Variants in PHACTR2 observed in about 807,000 individuals in gnomAD.
PHACTR2 encodes phosphatase and actin regulator 2.
A neutral mutation model predicts 76.0 loss-of-function variants in PHACTR2; 30 were observed. That is an observed-to-expected ratio of 0.39 (90% CI 0.30 to 0.54). PHACTR2 has a LOEUF of 0.54. PHACTR2 is among the 20% of genes least tolerant of loss of function. PHACTR2 has a pLI of 0.61. For synonymous variants in PHACTR2, 292 were observed against 292.5 expected, an observed-to-expected ratio of 1.00 and a Z score of 0.02; for missense variants, 696 against 781.1, an observed-to-expected ratio of 0.89 and a Z score of 1.30.
intron 2 of PHACTR2, among the ~76,000 whole-genome samples, chr6:143,713,653 C>T (rs1385920916): frequency 1.3e-5 from 2 of 152,136 alleles, no homozygotes; most frequent in African/African-American, 4.8e-5. Context: ...CCTGCAAAAT[C>T]GGGTAGTTGA....
chr6:143,539,238 G>A lies in PHACTR2; in HGVS notation c.217+2031G>A, dbSNP rs1378855793. Among the ~76,000 whole-genome samples, 1 of 152,172 alleles carries A rather than the reference G, an allele frequency of 6.6e-6. No individual in the cohort carries two copies. Among genetic ancestry groups the A allele is most frequent in the Non-Finnish European group, 1.5e-5 (1 of 68,032 alleles). ...TTGTCTTTTCTGTGTCCTCTTAACG[G>A]ATGCTAGGAAGTGAAACCTTTCAGC... On this transcript the variant is annotated intron_variant, in intron 1 of 11. Transcript: ENST00000367584. The surrounding 1 kb of genome is among the most constrained non-coding windows in gnomAD (Gnocchi z 4.3).
chr6:143,707,459 T>A (rs1278286816), intron 1 of PHACTR2, among the ~76,000 whole-genome samples: 1 of 152,238 alleles, frequency 6.6e-6, no homozygotes, highest in Non-Finnish European at 1.5e-5. Context: ...TACCAGGAGT[T>A]CTTTTATGGA....
At chr6:143,560,882 GGTGTGTGTGTGTGTGTGTGTGTGT>G in intron 1 of PHACTR2, among the ~76,000 whole-genome samples, 2 of 133,094 alleles carry the variant, frequency 1.5e-5, no homozygotes, top group Middle Eastern at 3.7e-3. Context: ...AAAGCAGAGG[GGTGTGTGTGTGTGTGTGTGTGTGT>G]GTGTGTGTGT....
intron 12 of PHACTR2, among the ~76,000 whole-genome samples, chr6:143,808,917 T>G (rs945122251): frequency 6.6e-6 from 1 of 152,192 alleles, no homozygotes; most frequent in Non-Finnish European, 1.5e-5. Context: ...TGCTAAAATG[T>G]GACACCTGTA....
intron 1 of PHACTR2, among the ~76,000 whole-genome samples, chr6:143,568,601 G>T (rs761241117): frequency 2.6e-5 from 4 of 152,208 alleles, no homozygotes; most frequent in Non-Finnish European, 4.4e-5. Flanking sequence ...AATCCAGAAA[G>T]CAATCAGTAA....
intron 1 of PHACTR2, among the ~76,000 whole-genome samples, chr6:143,682,966 C>G (rs1331448026): frequency 1.3e-5 from 2 of 152,030 alleles, no homozygotes; most frequent in East Asian, 3.9e-4. Flanking sequence ...GTCCTTTATC[C>G]TATTCATTTG....
At chr6:143,563,912 G>A (rs947539584) in intron 1 of PHACTR2, among the ~76,000 whole-genome samples, 3 of 151,874 alleles carry the variant, frequency 2.0e-5, no homozygotes, top group African/African-American at 7.3e-5. Flanking sequence ...GTTGAGGTGG[G>A]AGGATTGCTG....
intron 1 of PHACTR2, among the ~76,000 whole-genome samples, chr6:143,668,978 G>T (rs1425572707): frequency 1.3e-5 from 2 of 152,088 alleles, no homozygotes; most frequent in African/African-American, 2.4e-5. Flanking sequence ...GTCGATTTTA[G>T]ATCTTTCCTG....
chr6:143,560,924 TGTTAGG>T (rs1262591730), intron 1 of PHACTR2, among the ~76,000 whole-genome samples: 1 of 123,614 alleles, frequency 8.1e-6, no homozygotes, highest in East Asian at 2.1e-4. Flanking sequence ...TGTGTGTGTG[TGTTAGG>T]TAGGAGAGTT....
chr6:143,678,009 T>A lies in PHACTR2; in HGVS notation c.-155T>A. 6.9e-7 allele frequency: 1 copy of A among 1,454,186 alleles called. No individual in the cohort carries two copies. The highest frequency in any genetic ancestry group is 9.1e-7 in the Non-Finnish European group (1 of 1,096,610). 90.1% of individuals were successfully genotyped at this position (1,454,186 alleles called of 1,614,324 possible). A position where few individuals can be genotyped will look rare whatever the true frequency, so the allele number is the denominator to read the frequency against. On this transcript the variant is annotated 5_prime_UTR_variant, in exon 1 of 13. Coordinates refer to ENST00000440869, the MANE Select transcript of PHACTR2 (RefSeq NM_001100164.2). This position sits in a 1 kb window ranked among gnomAD's most constrained non-coding sequence, Gnocchi z 6.2. ...CCGCGCCGGCTGCGGCCGGCCGGGC[T>A]GGGAGACCCGCGCGGGGTAGAAGGT...
chr6:143,568,132 T>C (rs1281667191), intron 1 of PHACTR2, among the ~76,000 whole-genome samples: 1 of 152,192 alleles, frequency 6.6e-6, no homozygotes, highest in African/African-American at 2.4e-5. Context: ...CCAGGCCTTC[T>C]TCCTTGGAAA....
chr6:143,704,952 C>T (rs778727034), intron 1 of PHACTR2, among the ~76,000 whole-genome samples: 1 of 151,588 alleles, frequency 6.6e-6, no homozygotes. Flanking sequence ...CTCAGCCTCC[C>T]GAGTAGCGGG....
At chr6:143,573,003 C>T (rs189729377) in intron 1 of PHACTR2, among the ~76,000 whole-genome samples, 12 of 152,326 alleles carry the variant, frequency 7.9e-5, no homozygotes. Flanking sequence ...TTTTTACTTT[C>T]TAATTTGAAA....
intron 2 of PHACTR2, among the ~76,000 whole-genome samples, chr6:143,736,034 T>A (rs1001548600): frequency 6.6e-6 from 1 of 152,236 alleles, no homozygotes; most frequent in Non-Finnish European, 1.5e-5. Flanking sequence ...AATTAATTAT[T>A]AATAAATTTT....
At position 143,689,433 on chromosome 6, in the gene PHACTR2, G is replaced by A. The variant is rs9321934; in HGVS notation, c.46+11224G>A. Among the ~76,000 whole-genome samples, 73,595 of 152,026 alleles carry A rather than the reference G, an allele frequency of 0.48. 17,807 individuals are homozygous for A. Among genetic ancestry groups the A allele is most frequent in the South Asian group, 0.59 (2,835 of 4,822 alleles). ...CCAGGTCATACATTAGTAGAGTAGT[G>A]GGAACTGAGTAGAAAGTTCAGGGGC... On this transcript the variant is annotated intron_variant, in intron 1 of 12. Transcript: ENST00000440869. The surrounding 1 kb of genome is among the most constrained non-coding windows in gnomAD (Gnocchi z 4.4).
At chr6:143,603,198 A>G (rs540134927), upstream of PHACTR2, among the ~76,000 whole-genome samples, 69 of 152,054 alleles carry the variant, frequency 4.5e-4, 1 homozygote, top group Non-Finnish European at 8.8e-4. Flanking sequence ...AATTGAAGAC[A>G]TTTAAAAATG....
chr6:143,650,427 C>G (rs1193281846), intron 1 of PHACTR2, among the ~76,000 whole-genome samples: 1 of 151,784 alleles, frequency 6.6e-6, no homozygotes, highest in Non-Finnish European at 1.5e-5. Flanking sequence ...TCACCCTACC[C>G]AACTTCAAAC....
rs1178313224 is a variant in PHACTR2, at chr6:143,742,805, T to G, written c.215-6180T>G. Among the ~76,000 whole-genome samples, 2 of 152,226 alleles carry G rather than the reference T, an allele frequency of 1.3e-5. No individual in the cohort carries two copies. The highest frequency in any genetic ancestry group is 1.3e-4 in the Admixed American group (2 of 15,282). On this transcript the variant is annotated intron_variant, in intron 2 of 12. Coordinates refer to ENST00000440869, the MANE Select transcript of PHACTR2 (RefSeq NM_001100164.2). The surrounding 1 kb of genome is among the most constrained non-coding windows in gnomAD (Gnocchi z 4.5). ...TTTGGGCATTATGGGAATGACATGA[T>G]AAACACGACATCCCTCAGAAGGCTT...
At position 143,742,361 on chromosome 6, in the gene PHACTR2, TC is replaced by T. The variant is rs984528417; in HGVS notation, c.215-6623del. ...TTTGTTGTTGTTGTGGTTGTTAACT[TC>T]AGTTCTCCTCTTGCGGAGGCAAGGT... On this transcript the variant is annotated intron_variant, in intron 2 of 12. Coordinates refer to ENST00000440869, the MANE Select transcript of PHACTR2 (RefSeq NM_001100164.2). This position sits in a 1 kb window ranked among gnomAD's most constrained non-coding sequence, Gnocchi z 4.5. Among the ~76,000 whole-genome samples, 32 of 152,214 alleles carry T rather than the reference TC, an allele frequency of 2.1e-4. No individual in the cohort carries two copies. Among genetic ancestry groups the T allele is most frequent in the African/African-American group, 7.7e-4 (32 of 41,450 alleles).
Sources: gnomAD v4.1 joint callset for allele counts (sites outside exome capture counted in the v4.1 genomes callset) on GRCh38, gnomAD v4.1.1 for gene constraint, Gnocchi (gnomAD v3.1) non-coding constraint, MANE v1.5 for transcripts, NCBI Gene and HGNC (gene_info 2026-07-23, HGNC 2026-07-21) for gene names.